Variants in ROPN1B observed in about 807,000 individuals in gnomAD.
ROPN1B encodes rhophilin associated tail protein 1B, also known as ropporin-1B.
A neutral mutation model predicts 23.7 loss-of-function variants in ROPN1B; 13 were observed. The ratio of observed to expected loss-of-function variants is 0.55; its 90% confidence interval spans 0.36 to 0.87. The LOEUF (loss-of-function observed/expected upper bound fraction) is 0.87. Ranked by LOEUF, ROPN1B falls within the 40% of genes least tolerant of loss-of-function variation. The probability of loss-of-function intolerance (pLI) is 0.01; values close to 1 mark genes in which losing one functional copy is unlikely to be tolerated. For synonymous variants in ROPN1B, 67 were observed against 100.4 expected, an observed-to-expected ratio of 0.67 and a Z score of 1.99; for missense variants, 183 against 249.2, an observed-to-expected ratio of 0.73 and a Z score of 1.79.
At chr3:125,974,425 A>G (rs1032769593) in intron 3 of ROPN1B, among the ~76,000 whole-genome samples, 40 of 152,208 alleles carry the variant, frequency 2.6e-4, no homozygotes, top group Admixed American at 5.2e-4. Context: ...GGCAATCGTT[A>G]GCCCATCATT....
At position 125,972,255 on chromosome 3, in the gene ROPN1B, C is replaced by T. The variant is rs545546571; in HGVS notation, c.116+85C>T. Reference sequence around the variant, plus strand: ...AAAACCGCGGAGGTTGTCATGGCTGCAGCCAGGGGGTCGGGACTAACTGGC... The same window carrying T: ...AAAACCGCGGAGGTTGTCATGGCTGTAGCCAGGGGGTCGGGACTAACTGGC... On this transcript the variant is annotated intron_variant, in intron 3 of 6. Coordinates refer to ENST00000514116, the MANE Select transcript of ROPN1B (RefSeq NM_001308313.2). The T allele has an allele frequency of 6.8e-6, 9 of 1,326,008 alleles. No homozygotes were observed. In the African/African-American group the frequency reaches 1.0e-4, roughly 15 times the overall value. The allele number at this position is 1,326,008 out of a possible 1,614,324, so 82.1% of individuals were successfully genotyped here.
At chr3:125,971,498 G>A (rs1440007389) in intron 2 of ROPN1B, among the ~76,000 whole-genome samples, 1 of 152,166 alleles carries the variant, frequency 6.6e-6, no homozygotes, top group Non-Finnish European at 1.5e-5. Flanking sequence ...GACAATTAGA[G>A]TTGAAAAAAC....
In ROPN1B at chr3:125,974,359, G is replaced by A. The variant is rs148036638; in HGVS notation, c.117-1204G>A. Among the ~76,000 whole-genome samples, 801 of 152,272 alleles carry A rather than the reference G, an allele frequency of 5.3e-3. 6 individuals carry two copies. The highest frequency in any genetic ancestry group is 7.6e-3 in the Non-Finnish European group (514 of 68,014). On this transcript the variant is annotated intron_variant, in intron 3 of 6. Transcript: ENST00000514116. ...GATGACCTCCAAGTGGTGACCGGCA[G>A]TTACTCCTTTAGTCCATGTAGCTTT...
intron 5 of ROPN1B, among the ~76,000 whole-genome samples, chr3:125,979,976 T>TTA (rs1938557094): frequency 6.6e-6 from 1 of 152,258 alleles, no homozygotes; most frequent in African/African-American, 2.4e-5. Context: ...TCCACTGAAC[T>TTA]GATTATTAAA....
Position 125,982,570 on chromosome 3 carries a change from G to A in ROPN1B, c.572+125G>A, listed in dbSNP as rs867880220. The A allele has an allele frequency of 2.1e-5, 16 of 748,242 alleles. No individual in the cohort carries two copies. The Middle Eastern group carries it at 2.2e-3, about 102-fold the overall frequency. 46.4% of individuals were successfully genotyped at this position (748,242 alleles called of 1,614,324 possible). A position where few individuals can be genotyped will look rare whatever the true frequency, so the allele number is the denominator to read the frequency against. Reference sequence around the variant, plus strand: ...CAGAAAAGTGAGGACATGAAATATCGATCTGAAAGAAAAGGAGAAAGGGAA... The same window carrying A: ...CAGAAAAGTGAGGACATGAAATATCAATCTGAAAGAAAAGGAGAAAGGGAA... On this transcript the variant is annotated intron_variant, in intron 6 of 6. Coordinates refer to ENST00000514116, the MANE Select transcript of ROPN1B (RefSeq NM_001308313.2).
intron 3 of ROPN1B, chr3:125,973,772 A>C (rs1938300559): frequency 6.6e-6 from 1 of 152,432 alleles, no homozygotes; most frequent in South Asian, 2.1e-4. Context: ...CATGAAAAGC[A>C]CTGCTCAGAT....
intron 5 of ROPN1B, among the ~76,000 whole-genome samples, chr3:125,979,120 A>G (rs1353539360): frequency 6.6e-6 from 1 of 152,138 alleles, no homozygotes; most frequent in Non-Finnish European, 1.5e-5. Context: ...TCTGAATAAC[A>G]GTGAGCTCCT....
chr3:125,980,033 G>C (rs541170297), intron 5 of ROPN1B, among the ~76,000 whole-genome samples: 74 of 152,322 alleles, frequency 4.9e-4, no homozygotes, highest in African/African-American at 1.8e-3. Flanking sequence ...TCACTGGAAA[G>C]AATGACTTTT....
intron 5 of ROPN1B, among the ~76,000 whole-genome samples, chr3:125,978,607 G>A (rs1938505596): frequency 6.6e-6 from 1 of 152,142 alleles, no homozygotes. Context: ...GGCATCTCTG[G>A]TCTCCATGGT....
chr3:125,983,151 G>C, intron 6 of ROPN1B, 103 bp from the exon 7 acceptor site: 4 of 845,904 alleles, frequency 4.7e-6, no homozygotes, highest in Non-Finnish European at 7.9e-6. Context: ...AAGAGAAAAA[G>C]GAGCAACAGC....
At chr3:125,970,649 T>A (rs1027088498) in intron 1 of ROPN1B, among the ~76,000 whole-genome samples, 5 of 152,186 alleles carry the variant, frequency 3.3e-5, no homozygotes, top group East Asian at 1.9e-4. Context: ...ACTAAAAAAA[T>A]TTTAAAAAAT....
intron 5 of ROPN1B, among the ~76,000 whole-genome samples, chr3:125,981,454 G>T (rs1406544707): frequency 6.6e-6 from 1 of 152,194 alleles, no homozygotes. Flanking sequence ...GTGTCAGGAT[G>T]ATCCGTACAT....
chr3:125,973,884 T>C (rs1938303929), intron 3 of ROPN1B: 1 of 153,724 alleles, frequency 6.5e-6, no homozygotes, highest in South Asian at 2.1e-4. Flanking sequence ...CAAGTAAGAA[T>C]TTCCCTACAT....
Position 125,970,636 on chromosome 3 carries a change from A to C in ROPN1B, c.-58-481A>C, listed in dbSNP as rs376103291. On this transcript the variant is annotated intron_variant, in intron 1 of 6. Coordinates refer to ENST00000514116, the MANE Select transcript of ROPN1B (RefSeq NM_001308313.2). ...GAGAAACACCCAAGAATGATCAATA[A>C]ATACTAAAAAAATTTTAAAAAATCC... Among the ~76,000 whole-genome samples the C allele has an allele frequency of 1.1e-4, 16 of 152,274 alleles. No individual in the cohort carries two copies. The East Asian group carries it at 1.7e-3, about 16-fold the overall frequency.
chr3:125,979,191 C>G (rs1395183390), intron 5 of ROPN1B, among the ~76,000 whole-genome samples: 1 of 152,118 alleles, frequency 6.6e-6, no homozygotes, highest in African/African-American at 2.4e-5. Context: ...TGTCAAAGAA[C>G]CCCTAGAGGT....
At chr3:125,981,785 C>T (rs1370939096) in intron 5 of ROPN1B, among the ~76,000 whole-genome samples, 2 of 152,142 alleles carry the variant, frequency 1.3e-5, no homozygotes, top group East Asian at 1.9e-4. Flanking sequence ...TGTTCAAGAC[C>T]TTTTTTCCAG....
At chr3:125,978,248 A>T (rs1938492341) in intron 5 of ROPN1B, among the ~76,000 whole-genome samples, 1 of 148,766 alleles carries the variant, frequency 6.7e-6, no homozygotes, top group Non-Finnish European at 1.5e-5. Flanking sequence ...CGGGAAAATC[A>T]CAAACGGGAA....
intron 5 of ROPN1B, among the ~76,000 whole-genome samples, chr3:125,980,570 T>A (rs1054147178): frequency 5.9e-5 from 9 of 152,208 alleles, no homozygotes; most frequent in Admixed American, 6.5e-5. Flanking sequence ...AAAGACACCC[T>A]ACTGACTTCA....
intron 4 of ROPN1B, among the ~76,000 whole-genome samples, chr3:125,976,183 G>C (rs1054017397): frequency 2.6e-5 from 4 of 152,200 alleles, no homozygotes; most frequent in African/African-American, 9.7e-5. Flanking sequence ...GAGAAAGTTT[G>C]TGGTTTGGCC....
Sources: allele counts gnomAD v4.1 joint callset (sites outside exome capture counted in the v4.1 genomes callset), GRCh38; gene constraint gnomAD v4.1.1; transcripts MANE v1.5; gene names NCBI Gene and HGNC (gene_info 2026-07-23, HGNC 2026-07-21).